The following LRRIQ1 variants were observed in gnomAD, a reference collection of about 807,000 sequenced individuals.
The protein encoded by LRRIQ1 is leucine rich repeats and IQ motif containing 1.
LRRIQ1 carries 210 observed loss-of-function variants against 211.9 expected under a neutral mutation model. The observed-to-expected ratio is 0.99, with a 90% confidence interval of 0.89 to 1.11. The LOEUF (loss-of-function observed/expected upper bound fraction) is 1.11. Ranked by LOEUF, LRRIQ1 falls within the 50% of genes most tolerant of loss-of-function variation. The pLI, the probability that LRRIQ1 is intolerant of heterozygous loss-of-function variation, is 0.00. For missense variants in LRRIQ1, 2,136 were observed against 1,939.5 expected (o/e 1.10, Z -1.90); for synonymous variants, 699 against 650.1 (o/e 1.08, Z -1.14).
chr12:85,123,499 CAA>C (rs1888134853), intron 16 of LRRIQ1, among the ~76,000 whole-genome samples: 1 of 152,028 alleles, frequency 6.6e-6, no homozygotes, highest in South Asian at 2.1e-4. Flanking sequence ...ATTAATTATA[CAA>C]GTTATAAAAT....
chr12:85,193,074 TTTA>T (rs1451363078), intron 24 of LRRIQ1, among the ~76,000 whole-genome samples: 1 of 101,644 alleles, frequency 9.8e-6, no homozygotes, highest in Non-Finnish European at 1.9e-5. Flanking sequence ...TATATTATAT[TTTA>T]TTATATATAA....
intron 24 of LRRIQ1, among the ~76,000 whole-genome samples, chr12:85,176,485 C>T (rs927579446): frequency 6.7e-6 from 1 of 149,448 alleles, no homozygotes; most frequent in African/African-American, 2.5e-5. Context: ...AGTAAACTAT[C>T]GCAAGAACAA....
chr12:85,050,479 T>G (rs982980294), intron 6 of LRRIQ1, among the ~76,000 whole-genome samples: 1 of 152,226 alleles, frequency 6.6e-6, no homozygotes, highest in Admixed American at 6.5e-5. Context: ...CTTTCTGAGT[T>G]GTTCTTCCCT....
At chr12:85,120,209 T>C (rs1163750562) in intron 15 of LRRIQ1, among the ~76,000 whole-genome samples, 8 of 152,162 alleles carry the variant, frequency 5.3e-5, no homozygotes, top group African/African-American at 1.7e-4. Context: ...GAGATAATAT[T>C]TTGTGAAGGG....
intron 19 of LRRIQ1, among the ~76,000 whole-genome samples, chr12:85,147,470 ATTTGT>A (rs1889965134): frequency 6.6e-6 from 1 of 151,648 alleles, no homozygotes; most frequent in Non-Finnish European, 1.5e-5. Context: ...GGCAGCTGTG[ATTTGT>A]TTTCCCTGTT....
At chr12:85,108,726 T>A (rs1886957736) in intron 15 of LRRIQ1, among the ~76,000 whole-genome samples, 1 of 152,134 alleles carries the variant, frequency 6.6e-6, no homozygotes, top group Non-Finnish European at 1.5e-5. Flanking sequence ...TTATTTATTG[T>A]ACATTTGACA....
intron 15 of LRRIQ1, among the ~76,000 whole-genome samples, chr12:85,110,054 G>A (rs927289772): frequency 2.0e-5 from 3 of 151,956 alleles, no homozygotes; most frequent in East Asian, 1.9e-4. Context: ...GGTATAATAC[G>A]CATAATTTAT....
chr12:85,131,092 TGTA>T lies in LRRIQ1; in HGVS notation c.4209+3060_4209+3062del, dbSNP rs1203051143. On this transcript the variant is annotated intron_variant, in intron 18 of 26. Coordinates refer to ENST00000393217, the MANE Select transcript of LRRIQ1 (RefSeq NM_001079910.2). ...TTAGCCAGGCATGGTGGCAGGTGCC[TGTA>T]AACTACTTGGGAGGCTGAGACATGA... Among the ~76,000 whole-genome samples, 661 of 150,942 alleles carry T rather than the reference TGTA, an allele frequency of 4.4e-3. 2 individuals carry two copies. Among genetic ancestry groups the T allele is most frequent in the African/African-American group, 0.015 (628 of 41,112 alleles).
intron 23 of LRRIQ1, among the ~76,000 whole-genome samples, chr12:85,158,466 A>G (rs1890681270): frequency 6.6e-6 from 1 of 152,006 alleles, no homozygotes; most frequent in Non-Finnish European, 1.5e-5. Context: ...TGTATGTAAG[A>G]AGAAAAATAC....
At position 85,185,744 on chromosome 12, in the gene LRRIQ1, A is replaced by G. The variant is rs1379691368; in HGVS notation, c.4822+25030A>G. Among the ~76,000 whole-genome samples, 4 of 151,992 alleles carry G rather than the reference A, an allele frequency of 2.6e-5. No individual in the cohort carries two copies. The East Asian group carries it at 5.8e-4, about 22-fold the overall frequency. On this transcript the variant is annotated intron_variant, in intron 24 of 26. Transcript: ENST00000393217. ...TCTGTCTCATATAAACAGAAATACA[A>G]TTTTATTCCACATACATTTTATTTT...
At chr12:85,115,885 A>G (rs1481418412) in intron 15 of LRRIQ1, among the ~76,000 whole-genome samples, 2 of 152,152 alleles carry the variant, frequency 1.3e-5, no homozygotes, top group African/African-American at 4.8e-5. Context: ...CTGATAAAAC[A>G]AATATTTATA....
chr12:85,091,772 G>T (rs550370911), intron 11 of LRRIQ1, among the ~76,000 whole-genome samples: 63 of 152,068 alleles, frequency 4.1e-4, no homozygotes, highest in Non-Finnish European at 7.4e-4. Flanking sequence ...CACATTGCTT[G>T]CTTCTTAAAA....
At chr12:85,062,690 G>A (rs564781457) in intron 8 of LRRIQ1, among the ~76,000 whole-genome samples, 90 of 151,594 alleles carry the variant, frequency 5.9e-4, no homozygotes, top group Non-Finnish European at 8.6e-4. Flanking sequence ...TTGGTAGAAT[G>A]GTTTATTTTT....
intron 4 of LRRIQ1, 71 bp from the exon 5 acceptor site, chr12:85,045,949 T>G: frequency 1.4e-6 from 1 of 733,730 alleles, no homozygotes; most frequent in South Asian, 2.2e-5. Flanking sequence ...ATATTTAATG[T>G]ATTATTAAAA....
At position 85,232,718 on chromosome 12, in the gene LRRIQ1, G is replaced by C. The variant is rs1593004632; in HGVS notation, c.4978G>C (p.Asp1660His). 1 of 1,612,612 alleles carries C rather than the reference G, an allele frequency of 6.2e-7. No homozygotes were observed. Among genetic ancestry groups the C allele is most frequent in the Middle Eastern group, 1.7e-4 (1 of 6,054 alleles). Residue 1660 changes from aspartate to histidine, a missense_variant, in exon 26 of 27, where the codon GAT becomes CAT. Asp to His is a moderately conservative substitution (Grantham distance 81). Coordinates refer to ENST00000393217, the MANE Select transcript of LRRIQ1 (RefSeq NM_001079910.2). ...MKCNHFLPEL[D>H]PDVLNGGRVQ... is the part of the protein sequence containing the mutation. ...CAGCAATCACTTTTTGCCTGAGTTAGATCCAGATGTACTTAATGGTGGAAG... is the reference window on the plus strand; with the variant it reads ...CAGCAATCACTTTTTGCCTGAGTTACATCCAGATGTACTTAATGGTGGAAG...
intron 11 of LRRIQ1, among the ~76,000 whole-genome samples, chr12:85,091,172 A>G (rs969528675): frequency 3.9e-4 from 59 of 152,154 alleles, no homozygotes; most frequent in African/African-American, 1.4e-3. Context: ...AGCTGAGAAG[A>G]TGCCAGCACC....
chr12:85,236,855 A>ATATATATC (rs1401058179), intron 26 of LRRIQ1, among the ~76,000 whole-genome samples: 1 of 144,730 alleles, frequency 6.9e-6, no homozygotes, highest in African/African-American at 2.6e-5. Context: ...ATATATATAT[A>ATATATATC]TCTCCCAGAT....
At chr12:85,172,756 C>G (rs1891478697) in intron 24 of LRRIQ1, among the ~76,000 whole-genome samples, 1 of 152,116 alleles carries the variant, frequency 6.6e-6, no homozygotes, top group East Asian at 1.9e-4. Flanking sequence ...GTCTCTATGT[C>G]AAAGGTTCGG....
intron 10 of LRRIQ1, among the ~76,000 whole-genome samples, chr12:85,067,510 AT>A (rs935267716): frequency 3.3e-5 from 5 of 151,446 alleles, no homozygotes; most frequent in Non-Finnish European, 5.9e-5. Flanking sequence ...TGTTTTAGCA[AT>A]TTTTTTGTGG....
Sources: allele counts gnomAD v4.1 joint callset (sites outside exome capture counted in the v4.1 genomes callset), GRCh38; gene constraint gnomAD v4.1.1; transcripts MANE v1.5; gene names NCBI Gene and HGNC (gene_info 2026-07-23, HGNC 2026-07-21).